Variants in ATP4A observed in about 807,000 individuals in gnomAD.
ATP4A encodes the protein potassium-transporting ATPase alpha chain 1.
A neutral mutation model predicts 112.1 loss-of-function variants in ATP4A; 73 were observed. That is an observed-to-expected ratio of 0.65 (90% CI 0.54 to 0.79). The LOEUF (loss-of-function observed/expected upper bound fraction) is 0.79, where lower values mean the gene tolerates loss of function less well. Ranked by LOEUF, ATP4A falls within the 30% of genes least tolerant of loss-of-function variation. The pLI, the probability that ATP4A is intolerant of heterozygous loss-of-function variation, is 0.00. For synonymous variants in ATP4A, 588 were observed against 588.9 expected (o/e 1.00, Z 0.02); for missense variants, 1,081 against 1,425.9 (o/e 0.76, Z 3.90).
intron 12 of ATP4A, among the ~76,000 whole-genome samples, chr19:35,556,210 G>A (rs954066986): frequency 2.6e-5 from 4 of 152,134 alleles, no homozygotes; most frequent in African/African-American, 7.2e-5. Context: ...AACAGCAGGT[G>A]CAAAGGCCCT....
chr19:35,551,026 T>G lies in ATP4A; in HGVS notation c.2971A>C (p.Asn991His). 1.9e-6 allele frequency: 3 copies of G among 1,613,910 alleles called. No homozygotes were observed. Among genetic ancestry groups the G allele is most frequent in the Non-Finnish European group, 2.5e-6 (3 of 1,179,898 alleles). Reference sequence around the variant, plus strand: ...GCCTCTCACCGAATGGGCATGAAGTTGAAGATGTTGGGCATGCCGGGGCAG... The same window carrying G: ...GCCTCTCACCGAATGGGCATGAAGTGGAAGATGTTGGGCATGCCGGGGCAG... ...CYCPGMPNIF[N>H]FMPIRFQWWL... Residue 991 changes from asparagine to histidine, a missense_variant, in exon 20 of 22, where the codon AAC (asparagine) becomes CAC (histidine). This residue lies in a region of ATP4A where 219 missense variants were observed against 320.9 expected (regional missense o/e 0.68). Transcript: ENST00000262623. This position sits in a 1 kb window ranked among gnomAD's most constrained non-coding sequence, Gnocchi z 5.2.
chr19:35,554,575 G>T (rs968793676), intron 16 of ATP4A, among the ~76,000 whole-genome samples: 8 of 152,144 alleles, frequency 5.3e-5, no homozygotes, highest in African/African-American at 1.2e-4. Context: ...ATCTGAGGGG[G>T]TTTATTTGTC....
At position 35,555,131 on chromosome 19, in the gene ATP4A, C is replaced by CA. The variant is rs1174711034; in HGVS notation, c.2326+34dup. ...CTCACAGCCCTCTCCCTCCTGTGCCCACACTGCCTGCCCTCCCCCTGGCGT... is the reference window on the plus strand; with the variant it reads ...CTCACAGCCCTCTCCCTCCTGTGCCCAACACTGCCTGCCCTCCCCCTGGCGT... On this transcript the variant is annotated intron_variant, in intron 15 of 21. Coordinates refer to ENST00000262623, the MANE Select transcript of ATP4A (RefSeq NM_000704.3). The surrounding 1 kb of genome is among the most constrained non-coding windows in gnomAD (Gnocchi z 6.6). The CA allele has an allele frequency of 6.2e-7, 1 of 1,613,886 alleles. No individual in the cohort carries two copies. Among genetic ancestry groups the CA allele is most frequent in the African/African-American group, 1.3e-5 (1 of 74,890 alleles).
At position 35,551,112 on chromosome 19, in the gene ATP4A, C is replaced by T. The variant is rs1301626688; in HGVS notation, c.2886-1G>A. 1 of 1,604,292 alleles carries T rather than the reference C, an allele frequency of 6.2e-7. No individual in the cohort carries two copies. The highest frequency in any genetic ancestry group is 8.5e-7 in the Non-Finnish European group (1 of 1,175,494). On this transcript the variant is annotated splice_acceptor_variant, in intron 19 of 21. Transcript: ENST00000262623. LOFTEE classifies it high-confidence loss of function. The surrounding 1 kb of genome is among the most constrained non-coding windows in gnomAD (Gnocchi z 5.2). ...GATGGCGATCACCAGGATCTTATTCCTGGGGGTGGGCAGAATGGGACAGGC... is the reference window on the plus strand; with the variant it reads ...GATGGCGATCACCAGGATCTTATTCTTGGGGGTGGGCAGAATGGGACAGGC...
chr19:35,557,313 C>T lies in ATP4A; in HGVS notation c.1694-225G>A, dbSNP rs2071636746. Among the ~76,000 whole-genome samples the T allele has an allele frequency of 6.6e-6, 1 of 152,174 alleles. No individual in the cohort carries two copies. The highest frequency in any genetic ancestry group is 2.4e-5 in the African/African-American group (1 of 41,436). On this transcript the variant is annotated intron_variant, in intron 11 of 21. Transcript: ENST00000262623. This position sits in a 1 kb window ranked among gnomAD's most constrained non-coding sequence, Gnocchi z 4.4. ...ACTGAGGCTCAGAGAGGGGACATTT[C>T]TTGCCAGAGGTCACACAGCAAGTAA...
intron 16 of ATP4A, 75 bp downstream of exon 16, chr19:35,554,847 T>TCTGTCC: frequency 6.3e-7 from 1 of 1,588,236 alleles, no homozygotes; most frequent in Non-Finnish European, 8.6e-7. Context: ...TGTGGTGGTC[T>TCTGTCC]CTGTCCCTCC....
chr19:35,562,787 C>T (rs1030126516), intron 3 of ATP4A, 149 bp from the exon 4 acceptor site: 2 of 744,558 alleles, frequency 2.7e-6, no homozygotes, highest in Non-Finnish European at 4.3e-6. Flanking sequence ...GCCCCCACCC[C>T]ATCTCTCCCT....
chr19:35,550,516 T>C lies in ATP4A; in HGVS notation c.*99A>G. The C allele has an allele frequency of 6.6e-7, 1 of 1,508,754 alleles. No homozygotes were observed. Among genetic ancestry groups the C allele is most frequent in the South Asian group, 1.2e-5 (1 of 86,552 alleles). 93.5% of individuals were successfully genotyped at this position (1,508,754 alleles called of 1,614,324 possible). On this transcript the variant is annotated 3_prime_UTR_variant, in exon 22 of 22. Transcript: ENST00000262623. The surrounding 1 kb of genome is among the most constrained non-coding windows in gnomAD (Gnocchi z 4.1). ...GCAGATACTGGTGGGGCTGGGACTCTTGGTTGCTCAGATATCTTGGTGGCT... is the reference window on the plus strand; with the variant it reads ...GCAGATACTGGTGGGGCTGGGACTCCTGGTTGCTCAGATATCTTGGTGGCT...
At chr19:35,562,300 G>T in intron 4 of ATP4A, 135 bp downstream of exon 4, 1 of 1,061,732 alleles carries the variant, frequency 9.4e-7, no homozygotes, top group Non-Finnish European at 1.4e-6. Flanking sequence ...CACCCTCCAT[G>T]ACCCCTGTCT....
At position 35,563,298 on chromosome 19, in the gene ATP4A, C is replaced by T. The variant is rs760570120; in HGVS notation, c.157-30G>A. ...GTGGTGGGGTGGGGCAGGGTGCTTG[C>T]TCTGGGCTCTCCTGGCCCCCTCCCC... On this transcript the variant is annotated intron_variant, in intron 2 of 21. Transcript: ENST00000262623. 2.2e-5 allele frequency: 36 copies of T among 1,613,654 alleles called. No individual in the cohort carries two copies. In the East Asian group the frequency reaches 7.1e-4, roughly 32 times the overall value.
rs1376912055 is a variant in ATP4A, at chr19:35,555,232, T to G, written c.2260A>C (p.Lys754Gln). 6.2e-7 allele frequency: 1 copy of G among 1,614,202 alleles called. No homozygotes were observed. Among genetic ancestry groups the G allele is most frequent in the South Asian group, 1.1e-5 (1 of 91,084 alleles). ...AGCAGGATCATGTCAGCTGCATTTT[T>G]GGCAGCATCTGAGCCAGCGATGCCC... ...AMGIAGSDAAKNAADMILLDD... is the reference protein window; with the variant it reads ...AMGIAGSDAAQNAADMILLDD... Residue 754 changes from lysine to glutamine, a missense_variant, in exon 15 of 22, where the codon AAA becomes CAA. Lys to Gln is a moderately conservative substitution (Grantham distance 53, BLOSUM62 1). Coordinates refer to ENST00000262623, the MANE Select transcript of ATP4A (RefSeq NM_000704.3). This position sits in a 1 kb window ranked among gnomAD's most constrained non-coding sequence, Gnocchi z 6.6.
chr19:35,558,847 T>C lies in ATP4A; in HGVS notation c.1255+146A>G. The C allele has an allele frequency of 2.3e-6, 3 of 1,279,326 alleles. No homozygotes were observed. Among genetic ancestry groups the C allele is most frequent in the Non-Finnish European group, 3.2e-6 (3 of 924,154 alleles). The allele number at this position is 1,279,326 out of a possible 1,614,324, so 79.2% of individuals were successfully genotyped here. A position where few individuals can be genotyped will look rare whatever the true frequency, so the allele number is the denominator to read the frequency against. The stretch of plus-strand genomic sequence containing the variant: ...ACCCAGCCCCCGGATGACCCTTCCC[T>C]CTAGACCCGGTAGCGAGTCTCCTTT... On this transcript the variant is annotated intron_variant, in intron 8 of 21. Coordinates refer to ENST00000262623, the MANE Select transcript of ATP4A (RefSeq NM_000704.3). This position sits in a 1 kb window ranked among gnomAD's most constrained non-coding sequence, Gnocchi z 5.1.
intron 1 of ATP4A, 23 bp downstream of exon 1, chr19:35,563,595 C>T: frequency 3.1e-6 from 5 of 1,613,946 alleles, no homozygotes; most frequent in Non-Finnish European, 4.2e-6. Context: ...CCACTGCACC[C>T]CGGACCCCTG....
At chr19:35,562,996 C>G (rs1039321827) in intron 3 of ATP4A, among the ~76,000 whole-genome samples, 1 of 151,104 alleles carries the variant, frequency 6.6e-6, no homozygotes, top group Non-Finnish European at 1.5e-5. Context: ...CTCCCTCTCT[C>G]CATCTCCCTC....
Position 35,560,663 on chromosome 19 carries a change from G to GGCGGGGGGGGGGGGGGGC in ATP4A, c.535-49_535-48insGCCCCCCCCCCCCCCCGC. On this transcript the variant is annotated intron_variant, in intron 5 of 21. Transcript: ENST00000262623. This position sits in a 1 kb window ranked among gnomAD's most constrained non-coding sequence, Gnocchi z 5.1. ...TTGAGGTGGACGGGGGTGGGGGTGG[G>GGCGGGGGGGGGGGGGGGC]AGCTGCTGCATGTGGGGAGGTAAAG... 1.1e-6 allele frequency: 1 copy of GGCGGGGGGGGGGGGGGGC among 883,964 alleles called. No homozygotes were observed. The highest frequency in any genetic ancestry group is 1.8e-6 in the Non-Finnish European group (1 of 561,726). 54.8% of individuals were successfully genotyped at this position (883,964 alleles called of 1,614,324 possible). A position where few individuals can be genotyped will look rare whatever the true frequency, so the allele number is the denominator to read the frequency against.
chr19:35,558,748 CCCT>C lies in ATP4A; in HGVS notation c.1256-65_1256-63del. 1 of 1,492,548 alleles carries C rather than the reference CCCT, an allele frequency of 6.7e-7. No homozygotes were observed. 92.5% of individuals were successfully genotyped at this position (1,492,548 alleles called of 1,614,324 possible). On this transcript the variant is annotated intron_variant, in intron 8 of 21. Coordinates refer to ENST00000262623, the MANE Select transcript of ATP4A (RefSeq NM_000704.3). This position sits in a 1 kb window ranked among gnomAD's most constrained non-coding sequence, Gnocchi z 5.1. Reference sequence around the variant, plus strand: ...GGCTCTCCCGGACCAGAACCGAGCCCCCTCCTCCTAGGCTCATATCGCGGGCCC... The same window carrying C: ...GGCTCTCCCGGACCAGAACCGAGCCCCCTCCTAGGCTCATATCGCGGGCCC...
chr19:35,563,112 C>G (rs551409241), intron 3 of ATP4A, 97 bp downstream of exon 3: 14 of 1,364,156 alleles, frequency 1.0e-5, no homozygotes, highest in Non-Finnish European at 1.4e-5. Context: ...CTCTTCATCT[C>G]TCCCTCTCTC....
chr19:35,553,636 G>A, intron 17 of ATP4A, 70 bp downstream of exon 17: 2 of 1,575,630 alleles, frequency 1.3e-6, no homozygotes, highest in East Asian at 2.3e-5. Context: ...CCCAAGGCAG[G>A]GCCTGGGGCA....
At chr19:35,562,275 T>G (rs2071675292) in intron 4 of ATP4A, among the ~76,000 whole-genome samples, 160 bp downstream of exon 4, 1 of 152,122 alleles carries the variant, frequency 6.6e-6, no homozygotes, top group Non-Finnish European at 1.5e-5. Flanking sequence ...GCCCCATCCA[T>G]ATCCCAATGT....
Sources: gnomAD v4.1 joint callset for allele counts (sites outside exome capture counted in the v4.1 genomes callset) on GRCh38, gnomAD v4.1.1 for gene constraint, gnomAD v4.1.1 regional missense constraint, Gnocchi (gnomAD v3.1) non-coding constraint, MANE v1.5 for transcripts, NCBI Gene and HGNC (gene_info 2026-07-23, HGNC 2026-07-21) for gene names.